The following CSMD3 variants were observed in gnomAD, a reference collection of about 807,000 sequenced individuals.
CSMD3 encodes the protein CUB and Sushi multiple domains 3.
In CSMD3, 177 loss-of-function variants were observed where a neutral mutation model predicts 435.2. That is an observed-to-expected ratio of 0.41 (90% CI 0.36 to 0.46). The LOEUF is 0.46. CSMD3 is among the 20% of genes least tolerant of loss of function. The probability of loss-of-function intolerance (pLI) is 0.34; values close to 1 mark genes in which losing one functional copy is unlikely to be tolerated. For missense variants in CSMD3, 4,265 were observed against 4,504.6 expected, an observed-to-expected ratio of 0.95 and a Z score of 1.52; for synonymous variants, 1,656 against 1,520.5, an observed-to-expected ratio of 1.09 and a Z score of -2.07.
At position 113,018,743 on chromosome 8, in the gene CSMD3, T is replaced by C. The variant is rs1046966653; in HGVS notation, c.1030+324A>G. The stretch of plus-strand genomic sequence containing the variant: ...AAAGAGCGTACATGCAACTGAAGGT[T>C]TTCTGCAGTGATTTGCGGTACAACT... On this transcript the variant is annotated intron_variant, in intron 6 of 70. Coordinates refer to ENST00000297405, the MANE Select transcript of CSMD3 (RefSeq NM_198123.2). 5 of 298,396 alleles carry C rather than the reference T, an allele frequency of 1.7e-5. 1 individual carries two copies. The Admixed American group carries it at 2.4e-4, about 14-fold the overall frequency. 18.5% of individuals were successfully genotyped at this position (298,396 alleles called of 1,614,324 possible).
At chr8:112,570,861 A>G (rs539694736) in intron 24 of CSMD3, among the ~76,000 whole-genome samples, 1 of 152,262 alleles carries the variant, frequency 6.6e-6, no homozygotes, top group East Asian at 1.9e-4. Context: ...GGAAATTTTT[A>G]GTTTTATCTC....
At chr8:112,682,882 C>G (rs762184875) in intron 15 of CSMD3, among the ~76,000 whole-genome samples, 1 of 152,024 alleles carries the variant, frequency 6.6e-6, no homozygotes, top group Non-Finnish European at 1.5e-5. Context: ...TATAAAATTT[C>G]AAAACAGAAT....
chr8:112,944,180 C>T (rs1183266046), intron 9 of CSMD3, among the ~76,000 whole-genome samples: 1 of 151,564 alleles, frequency 6.6e-6, no homozygotes, highest in Non-Finnish European at 1.5e-5. Context: ...CTTATACACA[C>T]ATTTTCATTT....
intron 38 of CSMD3, among the ~76,000 whole-genome samples, chr8:112,354,926 A>C (rs920415627): frequency 1.3e-5 from 2 of 152,224 alleles, no homozygotes; most frequent in African/African-American, 4.8e-5. Flanking sequence ...ACAAAGCTAC[A>C]GTCATCACAT....
intron 22 of CSMD3, among the ~76,000 whole-genome samples, chr8:112,620,065 C>G (rs1332551327): frequency 6.6e-6 from 1 of 151,800 alleles, no homozygotes; most frequent in Non-Finnish European, 1.5e-5. Flanking sequence ...TATAGTGACT[C>G]AAAATGTTCA....
intron 31 of CSMD3, among the ~76,000 whole-genome samples, chr8:112,490,882 C>A (rs1329223052): frequency 1.3e-5 from 2 of 152,054 alleles, no homozygotes; most frequent in African/African-American, 4.8e-5. Context: ...TGCCATCAAT[C>A]ACTTTTTCTC....
At chr8:112,420,237 A>G (rs1812331367) in intron 32 of CSMD3, among the ~76,000 whole-genome samples, 2 of 152,176 alleles carry the variant, frequency 1.3e-5, no homozygotes, top group Non-Finnish European at 2.9e-5. Flanking sequence ...ACTTATCAAC[A>G]TTATGCCAAT....
intron 1 of CSMD3, among the ~76,000 whole-genome samples, chr8:113,380,855 A>T (rs2094412078): frequency 6.6e-6 from 1 of 152,172 alleles, no homozygotes; most frequent in Admixed American, 6.5e-5. Context: ...ATGTGGCCAG[A>T]AAACCATGTC....
At position 112,291,726 on chromosome 8, in the gene CSMD3, T is replaced by C. The variant is rs73700898; in HGVS notation, c.8789-31A>G. On this transcript the variant is annotated intron_variant, in intron 55 of 70. Transcript: ENST00000297405. Reference sequence around the variant, plus strand: ...CAAATGACAAATTTTGAAACATATGTTTGGAATAATATACATATACCTATA... The same window carrying C: ...CAAATGACAAATTTTGAAACATATGCTTGGAATAATATACATATACCTATA... 2.5e-4 allele frequency: 360 copies of C among 1,442,758 alleles called. 4 individuals carry two copies. Among genetic ancestry groups the C allele is most frequent in the African/African-American group, 2.1e-3 (153 of 71,574 alleles). The allele number at this position is 1,442,758 out of a possible 1,614,324, so 89.4% of individuals were successfully genotyped here.
At chr8:112,525,723 CA>C (rs943580180) in intron 27 of CSMD3, among the ~76,000 whole-genome samples, 4 of 137,256 alleles carry the variant, frequency 2.9e-5, no homozygotes, top group African/African-American at 8.1e-5. Context: ...TCCGTCCTCC[CA>C]AAAAAACCCC....
At chr8:112,614,402 C>T (rs1441810648) in intron 22 of CSMD3, among the ~76,000 whole-genome samples, 2 of 152,082 alleles carry the variant, frequency 1.3e-5, no homozygotes, top group Non-Finnish European at 2.9e-5. Context: ...GGCTTTCCAT[C>T]TTATTCTGAG....
At chr8:112,850,676 G>A (rs1191795762) in intron 11 of CSMD3, among the ~76,000 whole-genome samples, 4 of 152,034 alleles carry the variant, frequency 2.6e-5, no homozygotes, top group East Asian at 3.9e-4. Context: ...CAATGTAATC[G>A]CTACAGACTC....
chr8:112,724,280 T>G (rs4637868), intron 13 of CSMD3, among the ~76,000 whole-genome samples: 50,448 of 151,624 alleles, frequency 0.33, 9,237 homozygotes, highest in African/African-American at 0.5. Context: ...AGAGTGAGAA[T>G]GAAAGAAAAA....
chr8:112,413,316 G>A lies in CSMD3; in HGVS notation c.5396-4284C>T, dbSNP rs150083224. ...AGTATCCATCCAAATAAGATTGAGA[G>A]GTAGGGTTCCATTGACTGAGAAAGT... On this transcript the variant is annotated intron_variant, in intron 32 of 70. Coordinates refer to ENST00000297405, the MANE Select transcript of CSMD3 (RefSeq NM_198123.2). Among the ~76,000 whole-genome samples, 503 of 152,228 alleles carry A rather than the reference G, an allele frequency of 3.3e-3. 4 individuals carry two copies. The highest frequency in any genetic ancestry group is 5.2e-3 in the Non-Finnish European group (352 of 67,994).
intron 13 of CSMD3, among the ~76,000 whole-genome samples, chr8:112,798,188 G>C (rs760796273): frequency 2.0e-5 from 3 of 151,894 alleles, no homozygotes; most frequent in Non-Finnish European, 2.9e-5. Context: ...ATTAAAAACA[G>C]TGATTCAGGT....
intron 13 of CSMD3, among the ~76,000 whole-genome samples, chr8:112,791,319 GA>G (rs3047119): frequency 0.17 from 17,102 of 102,894 alleles, 1,072 homozygotes; most frequent in Middle Eastern, 0.3. Flanking sequence ...CATATCCTGT[GA>G]AAAAAAAAAA....
chr8:113,306,130 T>C (rs1040242611), intron 2 of CSMD3, among the ~76,000 whole-genome samples: 1 of 152,152 alleles, frequency 6.6e-6, no homozygotes, highest in Non-Finnish European at 1.5e-5. Context: ...GCTTTTCTTA[T>C]TTATTGAGAA....
At chr8:113,130,926 A>T (rs975798562) in intron 4 of CSMD3, among the ~76,000 whole-genome samples, 1 of 152,190 alleles carries the variant, frequency 6.6e-6, no homozygotes, top group Non-Finnish European at 1.5e-5. Flanking sequence ...AGAGACAGGC[A>T]GCATATTGCC....
At chr8:112,913,794 GTCTT>G (rs776472730) in intron 10 of CSMD3, among the ~76,000 whole-genome samples, 21 of 150,764 alleles carry the variant, frequency 1.4e-4, no homozygotes, top group Admixed American at 2.7e-4. Flanking sequence ...CTCTATGTCT[GTCTT>G]TCTTTCTGTC....
Sources: gnomAD v4.1 joint callset for allele counts (sites outside exome capture counted in the v4.1 genomes callset) on GRCh38, gnomAD v4.1.1 for gene constraint, MANE v1.5 for transcripts, NCBI Gene and HGNC (gene_info 2026-07-23, HGNC 2026-07-21) for gene names.